PDE1C: variants seen among roughly 807,000 people sequenced by gnomAD.
PDE1C encodes phosphodiesterase 1C.
Under a neutral mutation model 93.1 loss-of-function variants are expected in PDE1C, and 62 were observed. The observed-to-expected ratio is 0.67, with a 90% confidence interval of 0.54 to 0.82. The LOEUF (loss-of-function observed/expected upper bound fraction) is 0.82, where lower values mean the gene tolerates loss of function less well. Among genes scored for constraint, PDE1C ranks in the 40% least tolerant of loss-of-function variants. The probability of loss-of-function intolerance (pLI) is 0.00; values close to 1 mark genes in which losing one functional copy is unlikely to be tolerated. For synonymous variants in PDE1C, 325 were observed against 310.1 expected, an observed-to-expected ratio of 1.05 and a Z score of -0.50; for missense variants, 742 against 884.6, an observed-to-expected ratio of 0.84 and a Z score of 2.04.
chr7:32,160,989 C>A (rs1801886257), intron 3 of PDE1C, among the ~76,000 whole-genome samples: 1 of 152,122 alleles, frequency 6.6e-6, no homozygotes, highest in Non-Finnish European at 1.5e-5. Flanking sequence ...TCTCTCCCAA[C>A]CAGGAATTTC....
At chr7:31,631,301 G>C in the PDE1C span, among the ~76,000 whole-genome samples, 1 of 152,020 alleles carries the variant, frequency 6.6e-6, no homozygotes, top group African/African-American at 2.4e-5. Flanking sequence ...TGCACACACA[G>C]ACACACAAAT....
intron 1 of PDE1C, among the ~76,000 whole-genome samples, chr7:32,262,913 T>C (rs1810314308): frequency 6.6e-6 from 1 of 152,252 alleles, no homozygotes; most frequent in Non-Finnish European, 1.5e-5. Context: ...ATTCCCACTT[T>C]AGTCCTCACT....
intron 3 of PDE1C, among the ~76,000 whole-genome samples, chr7:32,120,942 G>A (rs1360059837): frequency 6.6e-6 from 1 of 152,136 alleles, no homozygotes; most frequent in Non-Finnish European, 1.5e-5. Context: ...TGAGCTAAAG[G>A]AGCGTGTTCT....
At position 31,939,145 on chromosome 7, in the gene PDE1C, T is replaced by C. The variant is rs187632673; in HGVS notation, c.129-58285A>G. ...CTAGGTGGTTGGTCTAATTTGTATT[T>C]TTTCAAGTCAGTTGCTATGGTTTTA... is the stretch of plus-strand genomic sequence containing the variant. On this transcript the variant is annotated intron_variant, in intron 2 of 17. Coordinates refer to ENST00000396191, the MANE Select transcript of PDE1C (RefSeq NM_001191057.4). 3.7e-3 allele frequency among the ~76,000 whole-genome samples: 558 copies of C among 152,294 alleles called. 2 individuals carry two copies. The highest frequency in any genetic ancestry group is 0.013 in the African/African-American group (535 of 41,568).
intron 3 of PDE1C, among the ~76,000 whole-genome samples, chr7:32,133,448 T>C (rs1003222796): frequency 2.6e-5 from 4 of 152,092 alleles, no homozygotes; most frequent in African/African-American, 7.2e-5. Flanking sequence ...AAGACACAAA[T>C]AGAAAGCCTG....
chr7:32,357,242 G>C lies in PDE1C; in HGVS notation c.310+70580C>G, dbSNP rs571269643. Among the ~76,000 whole-genome samples the C allele has an allele frequency of 3.8e-4, 58 of 152,178 alleles. 1 individual carries two copies. The highest frequency in any genetic ancestry group is 1.4e-3 in the African/African-American group (57 of 41,506). ...CCAGCTACTTGGGAGGCTGAGGCAG[G>C]AGAATGGCATGAACCTGGGAGGTGG... On this transcript the variant is annotated intron_variant, in intron 1 of 1. Transcript: ENST00000672256.
intron 2 of PDE1C, among the ~76,000 whole-genome samples, chr7:31,887,561 T>C (rs1798103959): frequency 6.6e-6 from 1 of 152,190 alleles, no homozygotes; most frequent in Non-Finnish European, 1.5e-5. Flanking sequence ...AAATTAGTAA[T>C]GTTATAGAAG....
chr7:32,064,236 T>C (rs751297878), intron 1 of PDE1C, among the ~76,000 whole-genome samples: 1 of 152,210 alleles, frequency 6.6e-6, no homozygotes, highest in Non-Finnish European at 1.5e-5. Context: ...TGGCTCCATA[T>C]TGCCATCACC....
chr7:32,373,986 G>A (rs1784375360), intron 1 of PDE1C, among the ~76,000 whole-genome samples: 1 of 150,000 alleles, frequency 6.7e-6, no homozygotes, highest in African/African-American at 2.4e-5. Flanking sequence ...AACAGAGTGA[G>A]ACTCTTTCAA....
chr7:31,692,563 C>T, the PDE1C span: 369 of 1,540,252 alleles, frequency 2.4e-4, 2 homozygotes, highest in East Asian at 2.7e-3. Context: ...TGGTGGAAGT[C>T]AGAGAAGAGG....
upstream of PDE1C, among the ~76,000 whole-genome samples, chr7:32,303,894 A>G (rs541717198): frequency 6.6e-6 from 1 of 152,304 alleles, no homozygotes; most frequent in Admixed American, 6.5e-5. Context: ...CCATAACATA[A>G]TGTAGCAAAT....
intron 1 of PDE1C, among the ~76,000 whole-genome samples, chr7:32,350,375 A>C (rs1783939092): frequency 1.3e-5 from 2 of 151,866 alleles, no homozygotes. Flanking sequence ...TCTTTTTAAC[A>C]CAACCACAAT....
At chr7:32,127,870 G>A (rs912037792) in intron 3 of PDE1C, among the ~76,000 whole-genome samples, 3 of 151,950 alleles carry the variant, frequency 2.0e-5, no homozygotes, top group Non-Finnish European at 2.9e-5. Flanking sequence ...GATACTCTAA[G>A]TTTTACCTTG....
At chr7:32,066,829 G>C (rs1400217989) in intron 1 of PDE1C, among the ~76,000 whole-genome samples, 1 of 152,196 alleles carries the variant, frequency 6.6e-6, no homozygotes, top group Non-Finnish European at 1.5e-5. Context: ...TCATTGGGAG[G>C]AACTGAGGTT....
chr7:31,775,100 G>T (rs1795740476), intron 17 of PDE1C, among the ~76,000 whole-genome samples: 1 of 152,144 alleles, frequency 6.6e-6, no homozygotes, highest in Non-Finnish European at 1.5e-5. Flanking sequence ...CTTATGATTT[G>T]CCAGTACATG....
chr7:31,828,259 G>T, intron 12 of PDE1C, 33 bp downstream of exon 12: 1 of 1,564,086 alleles, frequency 6.4e-7, no homozygotes, highest in Non-Finnish European at 8.8e-7. Flanking sequence ...TTCCTGCTTT[G>T]GTGCTTCTAT....
chr7:32,078,478 G>A (rs186403646), intron 3 of PDE1C, among the ~76,000 whole-genome samples: 31 of 152,314 alleles, frequency 2.0e-4, no homozygotes, highest in African/African-American at 6.7e-4. Context: ...GGAATTGGTA[G>A]AAGTAGAGAA....
chr7:31,721,790 C>T, the PDE1C span, among the ~76,000 whole-genome samples: 1 of 152,174 alleles, frequency 6.6e-6, no homozygotes, highest in East Asian at 1.9e-4. Flanking sequence ...GCTAAATGTC[C>T]AGCCACTTTT....
At chr7:31,798,253 C>T (rs930995715) in intron 16 of PDE1C, among the ~76,000 whole-genome samples, 3 of 151,712 alleles carry the variant, frequency 2.0e-5, no homozygotes, top group African/African-American at 4.8e-5. Context: ...ATTTCAGTGT[C>T]AACAAATCCT....
Sources: allele counts gnomAD v4.1 joint callset (sites outside exome capture counted in the v4.1 genomes callset), GRCh38; gene constraint gnomAD v4.1.1; transcripts MANE v1.5; gene names NCBI Gene and HGNC (gene_info 2026-07-23, HGNC 2026-07-21).